Variants in FBN3 observed in about 807,000 individuals in gnomAD.
FBN3 encodes fibrillin-3.
In FBN3, 234 loss-of-function variants were observed where a neutral mutation model predicts 330.1. The observed-to-expected ratio is 0.71, with a 90% CI of 0.64 to 0.79. FBN3 has a LOEUF of 0.79. FBN3 is among the 30% of genes least tolerant of loss of function. The pLI is 0.00. For missense variants in FBN3, 3,606 were observed against 3,886.9 expected (o/e 0.93, Z 1.92); for synonymous variants, 1,458 against 1,517.3 (o/e 0.96, Z 0.91).
intron 62 of FBN3, among the ~76,000 whole-genome samples, chr19:8,072,722 A>ACG (rs1234734520): frequency 1.4e-5 from 2 of 145,268 alleles, no homozygotes; most frequent in African/African-American, 5.3e-5. Context: ...GCGCGCGTGC[A>ACG]CACACACACA....
chr19:8,111,538 C>A, intron 32 of FBN3, 110 bp downstream of exon 32: 2 of 1,239,888 alleles, frequency 1.6e-6, no homozygotes, highest in African/African-American at 3.0e-5. Context: ...CACAGAGCGG[C>A]GATTGAGTCA....
At chr19:8,112,919 G>A (rs1316159988) in intron 30 of FBN3, among the ~76,000 whole-genome samples, 11 of 152,198 alleles carry the variant, frequency 7.2e-5, no homozygotes, top group Admixed American at 7.2e-4. Flanking sequence ...TTGATGCTCT[G>A]TTATGTAACA....
In FBN3 at chr19:8,096,382, C is replaced by T; in HGVS notation, c.5539+62G>A. 2 of 1,566,780 alleles carry T rather than the reference C, an allele frequency of 1.3e-6. No individual in the cohort carries two copies. The highest frequency in any genetic ancestry group is 8.7e-7 in the Non-Finnish European group (1 of 1,153,568). ...ATGGACAGAAACACCACTTCCATCC[C>T]AGGGGAGGTTTAGACCCCAGGCAGC... On this transcript the variant is annotated intron_variant, in intron 44 of 63. Coordinates refer to ENST00000600128, the MANE Select transcript of FBN3 (RefSeq NM_032447.5). This position sits in a 1 kb window ranked among gnomAD's most constrained non-coding sequence, Gnocchi z 4.6.
intron 26 of FBN3, among the ~76,000 whole-genome samples, chr19:8,118,401 A>G (rs1228334307): frequency 6.6e-6 from 1 of 152,190 alleles, no homozygotes; most frequent in African/African-American, 2.4e-5. Flanking sequence ...TGGAGGCTGC[A>G]GTGAGCTGTG....
rs1465734716 is a variant in FBN3, at chr19:8,096,304, T to A, written c.5539+140A>T. On this transcript the variant is annotated intron_variant, in intron 44 of 63. Coordinates refer to ENST00000600128, the MANE Select transcript of FBN3 (RefSeq NM_032447.5). The surrounding 1 kb of genome is among the most constrained non-coding windows in gnomAD (Gnocchi z 4.6). ...AGGCACAGGGAGGCAGATCAACCAT[T>A]TACCCAAGATCTTAATCTCAGGACC... 1.8e-6 allele frequency: 2 copies of A among 1,111,012 alleles called. No homozygotes were observed. Among genetic ancestry groups the A allele is most frequent in the Admixed American group, 5.0e-5 (2 of 40,094 alleles). The allele number at this position is 1,111,012 out of a possible 1,614,324, so 68.8% of individuals were successfully genotyped here.
rs991223365 is a variant in FBN3, at chr19:8,129,241, T to C, written c.2169A>G (p.Thr723=). ...CCGCCCGCCAGGTGGCATGCTCACC[T>C]GTGCAGTCCTTGCCTGAGGCACCTG... ...YEAGASGKDC[T]DVDECALNSL... The change falls in exon 17 of 64, where the codon ACA becomes ACG. Residue 723 remains threonine (T), a splice_region_variant and synonymous_variant. Coordinates refer to ENST00000600128, the MANE Select transcript of FBN3 (RefSeq NM_032447.5). This position sits in a 1 kb window ranked among gnomAD's most constrained non-coding sequence, Gnocchi z 4.5. 2.4e-5 allele frequency: 39 copies of C among 1,613,914 alleles called. No individual in the cohort carries two copies. Among genetic ancestry groups the C allele is most frequent in the Non-Finnish European group, 3.3e-5 (39 of 1,179,986 alleles).
At position 8,117,183 on chromosome 19, in the gene FBN3, C is replaced by T. The variant is rs1684825151; in HGVS notation, c.3572G>A (p.Gly1191Glu). 1 of 1,614,008 alleles carries T rather than the reference C, an allele frequency of 6.2e-7. No individual in the cohort carries two copies. The highest frequency in any genetic ancestry group is 1.1e-5 in the South Asian group (1 of 91,086). The change falls in exon 28 of 64, where the codon GGA becomes GAA. Residue 1191 changes from glycine to glutamate, a missense_variant. Gly to Glu is a moderately conservative substitution (Grantham distance 98). Coordinates refer to ENST00000600128, the MANE Select transcript of FBN3 (RefSeq NM_032447.5). ...TGCCCACCTACCTGCACATGCCCTT[C>T]CGTCGGGCATCAGCGAGTAGCCCTG... ...CGQGYSLMPD[G>E]RACADVDECE...
At chr19:8,127,048 GTTTTTTTTTTGT>G (rs1157660241) in intron 18 of FBN3, among the ~76,000 whole-genome samples, 13 of 113,916 alleles carry the variant, frequency 1.1e-4, no homozygotes, top group Non-Finnish European at 2.1e-4. Flanking sequence ...ATGCCAAACT[GTTTTTTTTTTGT>G]TTTTTTTTTT....
chr19:8,096,889 G>A lies in FBN3; in HGVS notation c.5405C>T (p.Ala1802Val), dbSNP rs2144732504. 6.2e-7 allele frequency: 1 copy of A among 1,613,174 alleles called. No homozygotes were observed. The highest frequency in any genetic ancestry group is 2.2e-5 in the East Asian group (1 of 44,884). ...CCAGGGACCCTGCTCACCCACACAA[G>A]CCCCGCCTGGCGACAGTTTGTACCC... is the stretch of plus-strand genomic sequence containing the variant. ...TRGYKLSPGGACVGRNECREI... is the reference protein window; with the variant it reads ...TRGYKLSPGGVCVGRNECREI... Residue 1802 changes from alanine to valine, a missense_variant, in exon 43 of 64, where the codon GCT becomes GTT. Coordinates refer to ENST00000600128, the MANE Select transcript of FBN3 (RefSeq NM_032447.5). This position sits in a 1 kb window ranked among gnomAD's most constrained non-coding sequence, Gnocchi z 4.6.
Position 8,086,261 on chromosome 19 carries a change from G to A in FBN3, c.6819C>T (p.Gly2273=), listed in dbSNP as rs1308126166. 1.2e-6 allele frequency: 2 copies of A among 1,611,458 alleles called. No homozygotes were observed. Among genetic ancestry groups the A allele is most frequent in the East Asian group, 2.2e-5 (1 of 44,608 alleles). ...CCTCATCACAGTCGCACCGGAAGCT[G>A]CCCGCGGTGTTGACACAGCGGCCGT... is the stretch of plus-strand genomic sequence containing the variant. ...CVNGRCVNTA[G]SFRCDCDEGF... Residue 2273 remains glycine, a synonymous_variant, in exon 55 of 64, where the codon GGC becomes GGT. Coordinates refer to ENST00000600128, the MANE Select transcript of FBN3 (RefSeq NM_032447.5).
chr19:8,132,417 G>T (rs1041517479), intron 14 of FBN3, among the ~76,000 whole-genome samples: 1 of 151,768 alleles, frequency 6.6e-6, no homozygotes, highest in African/African-American at 2.4e-5. Context: ...CTGTCCTCAA[G>T]TGATCCTCTA....
chr19:8,084,597 A>AT (rs1038606397), intron 56 of FBN3, among the ~76,000 whole-genome samples: 12 of 151,138 alleles, frequency 7.9e-5, no homozygotes, highest in African/African-American at 2.7e-4. Context: ...TTATTTATTT[A>AT]TTTTTTTGGG....
chr19:8,076,728 T>G (rs965762295), intron 59 of FBN3, among the ~76,000 whole-genome samples: 1 of 152,226 alleles, frequency 6.6e-6, no homozygotes, highest in African/African-American at 2.4e-5. Context: ...ACATCTTCAC[T>G]TGGTGTGGAT....
chr19:8,090,474 G>A (rs1380640165), intron 48 of FBN3, among the ~76,000 whole-genome samples: 28 of 113,618 alleles, frequency 2.5e-4, no homozygotes, highest in Admixed American at 5.0e-4. Context: ...TGTTGTTGTT[G>A]GTGGTGGTGG....
rs1310456017 is a variant in FBN3 at position 8,072,218 on chromosome 19, G to GT, written c.7938-21dup. 2.0e-6 allele frequency: 3 copies of GT among 1,503,754 alleles called. No individual in the cohort carries two copies. In the Admixed American group the frequency reaches 6.4e-5, roughly 32 times the overall value. The allele number at this position is 1,503,754 out of a possible 1,614,324, so 93.2% of individuals were successfully genotyped here. ...CAGTGCCTGGGCCAGGATGGGCAGG[G>GT]TGGAGGGGTTTCAGAGGCGGGCTGA... On this transcript the variant is annotated intron_variant, in intron 62 of 63. Coordinates refer to ENST00000600128, the MANE Select transcript of FBN3 (RefSeq NM_032447.5).
intron 55 of FBN3, among the ~76,000 whole-genome samples, 195 bp downstream of exon 55, chr19:8,086,005 G>GAGGGACAGGCAGTGGGA (rs377110835): frequency 1.9e-5 from 2 of 104,698 alleles, no homozygotes; most frequent in African/African-American, 3.5e-5. Flanking sequence ...CAGGCAGTGG[G>GAGGGACAGGCAGTGGGA]GGGACAGGCA....
chr19:8,100,010 C>CAA (rs200461313), intron 41 of FBN3, among the ~76,000 whole-genome samples: 101 of 105,894 alleles, frequency 9.5e-4, no homozygotes, highest in African/African-American at 3.0e-3. Flanking sequence ...AACTCCATCT[C>CAA]AAAAAAAAAA....
rs1169172408 is a variant in FBN3 at position 8,141,942 on chromosome 19, T to C, written c.737A>G (p.Gln246Arg). 2.5e-6 allele frequency: 4 copies of C among 1,614,026 alleles called. No homozygotes were observed. In the African/African-American group the frequency reaches 5.3e-5, roughly 22 times the overall value. Reference sequence around the variant, plus strand: ...TCAGCCCTGACCCCACTATTCACCTTGGCAGGCCCCCGTGTGGATATTGGG... The same window carrying C: ...TCAGCCCTGACCCCACTATTCACCTCGGCAGGCCCCCGTGTGGATATTGGG... ...FIPNIHTGAC[Q>R]DVDECQAVPG... The change falls in exon 7 of 64, where the codon CAA becomes CGA. Residue 246 changes from glutamine to arginine, a missense_variant and splice_region_variant. By Grantham distance (43) the Gln-to-Arg change is conservative. Coordinates refer to ENST00000600128, the MANE Select transcript of FBN3 (RefSeq NM_032447.5).
chr19:8,126,152 G>A (rs1386971823), intron 21 of FBN3, 135 bp from the exon 22 acceptor site: 2 of 1,446,020 alleles, frequency 1.4e-6, no homozygotes, highest in African/African-American at 2.8e-5. Context: ...CTTTCAAGAA[G>A]GCCTGGGGAC....
Sources: gnomAD v4.1 joint callset for allele counts (sites outside exome capture counted in the v4.1 genomes callset) on GRCh38, gnomAD v4.1.1 for gene constraint, Gnocchi (gnomAD v3.1) non-coding constraint, MANE v1.5 for transcripts, NCBI Gene and HGNC (gene_info 2026-07-23, HGNC 2026-07-21) for gene names.